SPAG16: variants seen among roughly 807,000 people sequenced by gnomAD.
The protein encoded by SPAG16 is sperm associated antigen 16.
A neutral mutation model predicts 80.4 loss-of-function variants in SPAG16; 86 were observed. That is an observed-to-expected ratio of 1.07 (90% CI 0.90 to 1.28). The LOEUF (loss-of-function observed/expected upper bound fraction) is 1.28. SPAG16 is among the 50% of genes most tolerant of loss of function. SPAG16 has a pLI of 0.00. For missense variants in SPAG16, 870 were observed against 765.3 expected, an observed-to-expected ratio of 1.14 and a Z score of -1.61; for synonymous variants, 294 against 265.9, an observed-to-expected ratio of 1.11 and a Z score of -1.03.
chr2:213,328,522 C>A (rs989627293), intron 5 of SPAG16, among the ~76,000 whole-genome samples: 1 of 152,098 alleles, frequency 6.6e-6, no homozygotes, highest in Non-Finnish European at 1.5e-5. Flanking sequence ...TACTTAAATT[C>A]TCTCCTCCTC....
chr2:213,464,797 T>C (rs2072587916), intron 9 of SPAG16, among the ~76,000 whole-genome samples: 1 of 152,224 alleles, frequency 6.6e-6, no homozygotes. Context: ...TATCCTTTCC[T>C]ACGTGGAAGG....
chr2:213,840,357 G>A (rs1575315467), intron 10 of SPAG16, among the ~76,000 whole-genome samples: 1 of 152,110 alleles, frequency 6.6e-6, no homozygotes, highest in African/African-American at 2.4e-5. Flanking sequence ...TGCTTTCTCA[G>A]AAGGCACTCA....
intron 10 of SPAG16, among the ~76,000 whole-genome samples, chr2:213,573,242 C>G (rs564819533): frequency 6.6e-6 from 1 of 152,192 alleles, no homozygotes. Flanking sequence ...TGTTCCTATT[C>G]GGCCATCTTG....
At chr2:214,206,526 G>A (rs574714880) in intron 15 of SPAG16, among the ~76,000 whole-genome samples, 49 of 152,244 alleles carry the variant, frequency 3.2e-4, no homozygotes, top group African/African-American at 1.2e-3. Flanking sequence ...ATCTGTTGAT[G>A]GACACTTAAG....
chr2:214,042,213 C>T (rs1575945321), intron 13 of SPAG16, among the ~76,000 whole-genome samples: 1 of 151,368 alleles, frequency 6.6e-6, no homozygotes, highest in African/African-American at 2.4e-5. Flanking sequence ...CCTGCTTCAG[C>T]CTCCCAAGTA....
chr2:213,879,409 A>G (rs989244678), intron 11 of SPAG16, among the ~76,000 whole-genome samples: 1 of 150,768 alleles, frequency 6.6e-6, no homozygotes, highest in East Asian at 2.0e-4. Context: ...ATATACATAT[A>G]CACACACACA....
intron 15 of SPAG16, among the ~76,000 whole-genome samples, chr2:214,365,853 C>A (rs1377490031): frequency 6.6e-6 from 1 of 152,040 alleles, no homozygotes; most frequent in Non-Finnish European, 1.5e-5. Flanking sequence ...TTATCAAATT[C>A]TAAGTAGCCT....
chr2:214,082,969 G>A (rs1403315285), intron 13 of SPAG16, among the ~76,000 whole-genome samples: 2 of 151,998 alleles, frequency 1.3e-5, no homozygotes, highest in Non-Finnish European at 2.9e-5. Context: ...TGAAATAATT[G>A]CAGTCTTCTC....
At chr2:213,483,603 C>T (rs2073850006) in intron 9 of SPAG16, among the ~76,000 whole-genome samples, 1 of 152,140 alleles carries the variant, frequency 6.6e-6, no homozygotes, top group South Asian at 2.1e-4. Context: ...GATTGTTGGG[C>T]CCCATTCACA....
At chr2:213,846,915 A>G in intron 10 of SPAG16, among the ~76,000 whole-genome samples, 1 of 152,184 alleles carries the variant, frequency 6.6e-6, no homozygotes, top group Admixed American at 6.5e-5. Flanking sequence ...TCTGGAGGCT[A>G]TGAGGTAGAG....
intron 9 of SPAG16, among the ~76,000 whole-genome samples, chr2:213,445,505 C>CA (rs1255448089): frequency 1.3e-5 from 2 of 151,860 alleles, no homozygotes; most frequent in South Asian, 2.1e-4. Context: ...ACTAAAAATA[C>CA]AAAAAAATTA....
intron 10 of SPAG16, among the ~76,000 whole-genome samples, chr2:213,797,363 C>T (rs1485254579): frequency 6.6e-6 from 1 of 152,166 alleles, no homozygotes; most frequent in Non-Finnish European, 1.5e-5. Flanking sequence ...CCCAGGGCAA[C>T]TTACAATCCT....
chr2:213,411,887 C>T (rs1332167048), intron 9 of SPAG16, among the ~76,000 whole-genome samples: 2 of 139,718 alleles, frequency 1.4e-5, no homozygotes, highest in African/African-American at 5.0e-5. Flanking sequence ...ACAGCTAAGC[C>T]ATGTTAAAAA....
chr2:214,082,489 T>C (rs2051448891), intron 13 of SPAG16, among the ~76,000 whole-genome samples: 1 of 152,166 alleles, frequency 6.6e-6, no homozygotes. Context: ...CTCAGTAATC[T>C]CCACTATTTT....
At chr2:213,619,435 A>T (rs917009690) in intron 10 of SPAG16, among the ~76,000 whole-genome samples, 4 of 152,188 alleles carry the variant, frequency 2.6e-5, no homozygotes, top group African/African-American at 7.2e-5. Context: ...TAATATCCAG[A>T]CTATATAAGG....
chr2:213,705,131 G>A (rs2065682049), intron 10 of SPAG16, among the ~76,000 whole-genome samples: 1 of 151,796 alleles, frequency 6.6e-6, no homozygotes, highest in Admixed American at 6.6e-5. Context: ...GCCTATAGTC[G>A]CAGCTACTAG....
intron 10 of SPAG16, among the ~76,000 whole-genome samples, chr2:213,585,567 G>A (rs1048050469): frequency 5.9e-5 from 9 of 152,192 alleles, no homozygotes; most frequent in African/African-American, 2.2e-4. Flanking sequence ...TAAGTAACCA[G>A]CCTGGCAGAA....
At chr2:213,390,548 G>T (rs758678724) in intron 9 of SPAG16, among the ~76,000 whole-genome samples, 1 of 151,924 alleles carries the variant, frequency 6.6e-6, no homozygotes, top group Non-Finnish European at 1.5e-5. Flanking sequence ...AATGTCAAAG[G>T]TTAAAAGAAA....
chr2:214,091,287 T>C (rs1263199502), intron 13 of SPAG16, among the ~76,000 whole-genome samples: 2 of 152,130 alleles, frequency 1.3e-5, no homozygotes, highest in African/African-American at 4.8e-5. Flanking sequence ...CAAAAATCTG[T>C]AATAAAACTA....
Sources: allele counts gnomAD v4.1 joint callset (sites outside exome capture counted in the v4.1 genomes callset), GRCh38; gene constraint gnomAD v4.1.1; transcripts MANE v1.5; gene names NCBI Gene and HGNC (gene_info 2026-07-23, HGNC 2026-07-21).